Variants in CEP112 observed in about 807,000 individuals in gnomAD.
The protein encoded by CEP112 is centrosomal protein 112.
CEP112 carries 127 observed loss-of-function variants against 153.0 expected under a neutral mutation model. That is an observed-to-expected ratio of 0.83 (90% confidence interval 0.72 to 0.96). CEP112 has a LOEUF of 0.96. CEP112 is among the 40% of genes least tolerant of loss of function. The pLI, the probability that CEP112 is intolerant of heterozygous loss-of-function variation, is 0.00. For missense variants in CEP112, 1,089 were observed against 1,101.2 expected (o/e 0.99, Z 0.16); for synonymous variants, 358 against 374.4 (o/e 0.96, Z 0.51).
At chr17:66,145,690 C>T (rs958852894) in intron 4 of CEP112, among the ~76,000 whole-genome samples, 4 of 152,064 alleles carry the variant, frequency 2.6e-5, no homozygotes, top group East Asian at 3.9e-4. Flanking sequence ...TCCATCTATC[C>T]TTTCACCAAT....
intron 6 of CEP112, among the ~76,000 whole-genome samples, chr17:66,107,278 G>A (rs545977318): frequency 2.6e-5 from 4 of 151,908 alleles, no homozygotes; most frequent in Admixed American, 6.6e-5. Flanking sequence ...ACATAGTACC[G>A]AAAGTCCTAG....
At chr17:65,758,268 C>T (rs925170536) in intron 21 of CEP112, among the ~76,000 whole-genome samples, 7 of 152,068 alleles carry the variant, frequency 4.6e-5, no homozygotes, top group African/African-American at 7.3e-5. Flanking sequence ...TGGTTGTGCC[C>T]GTCCTCCTCC....
At chr17:66,093,161 T>G (rs1044183738) in intron 8 of CEP112, among the ~76,000 whole-genome samples, 1 of 152,080 alleles carries the variant, frequency 6.6e-6, no homozygotes, top group African/African-American at 2.4e-5. Context: ...TGGTGAAACC[T>G]TGTCTCTACC....
intron 20 of CEP112, among the ~76,000 whole-genome samples, chr17:65,894,924 T>C (rs1290915878): frequency 6.6e-6 from 1 of 152,148 alleles, no homozygotes; most frequent in Non-Finnish European, 1.5e-5. Context: ...TCATGGCTTG[T>C]GGTCTTGGAG....
At chr17:66,154,717 C>T (rs139456323) in intron 4 of CEP112, among the ~76,000 whole-genome samples, 5 of 149,732 alleles carry the variant, frequency 3.3e-5, no homozygotes, top group East Asian at 3.9e-4. Context: ...TTGTAACAGG[C>T]GAGGTAAGAA....
rs2071980035 is a variant in CEP112 at position 66,166,812 on chromosome 17, A to C, written c.470+8232T>G. 2.0e-5 allele frequency among the ~76,000 whole-genome samples: 3 copies of C among 151,506 alleles called. No individual in the cohort carries two copies. The South Asian group carries it at 6.3e-4, about 32-fold the overall frequency. On this transcript the variant is annotated intron_variant, in intron 4 of 26. Transcript: ENST00000535342. ...CCAGCTACTCAGGAGGCTGAGGCAG[A>C]AGAATCGCTTGAACCCGGGAGGCAG...
At chr17:66,043,725 T>C (rs2066081845) in intron 12 of CEP112, among the ~76,000 whole-genome samples, 1 of 152,216 alleles carries the variant, frequency 6.6e-6, no homozygotes, top group Non-Finnish European at 1.5e-5. Flanking sequence ...ATCTATTGTT[T>C]GCATATTTTC....
chr17:65,712,295 T>C (rs532576644), intron 23 of CEP112, among the ~76,000 whole-genome samples: 1 of 152,342 alleles, frequency 6.6e-6, no homozygotes, highest in Admixed American at 6.5e-5. Context: ...ATTATGATCA[T>C]TTCTTCTGTA....
intron 21 of CEP112, among the ~76,000 whole-genome samples, chr17:65,836,847 T>G: frequency 7.0e-6 from 1 of 143,646 alleles, no homozygotes; most frequent in East Asian, 2.3e-4. Context: ...CCCCCTCTGA[T>G]GCCCAGCCGA....
intron 22 of CEP112, among the ~76,000 whole-genome samples, chr17:65,746,196 A>G (rs552574103): frequency 6.6e-6 from 1 of 150,836 alleles, no homozygotes; most frequent in South Asian, 2.1e-4. Flanking sequence ...AAAGAAAAGA[A>G]AAGAAAAAAA....
intron 21 of CEP112, among the ~76,000 whole-genome samples, chr17:65,804,158 A>G (rs1316717744): frequency 6.6e-6 from 1 of 152,196 alleles, no homozygotes; most frequent in African/African-American, 2.4e-5. Flanking sequence ...TTTAATTTTT[A>G]AAAATGTGTT....
chr17:65,773,839 C>T (rs970091844), intron 21 of CEP112, among the ~76,000 whole-genome samples: 1 of 152,110 alleles, frequency 6.6e-6, no homozygotes, highest in Admixed American at 6.5e-5. Flanking sequence ...AATCCCAGTG[C>T]TTTGGGAGGA....
rs543383060 is a variant in CEP112 at position 66,176,032 on chromosome 17, T to C, written c.297+798A>G. 2.6e-3 allele frequency among the ~76,000 whole-genome samples: 401 copies of C among 152,318 alleles called. 2 individuals carry two copies. The highest frequency in any genetic ancestry group is 8.8e-3 in the African/African-American group (368 of 41,588). ...CACAGAAATTTCTTTTTAAATGACA[T>C]AGTCATTAAAACTTTTGGCATTGTG... On this transcript the variant is annotated intron_variant, in intron 3 of 26. Transcript: ENST00000535342.
chr17:65,821,496 TTATATATATATATATAATTATATA>T (rs1320558542), intron 21 of CEP112, among the ~76,000 whole-genome samples: 35 of 121,416 alleles, frequency 2.9e-4, no homozygotes, highest in Admixed American at 4.6e-4. Context: ...ATATATATAA[TTATATATATATATATAATTATATA>T]TATATATATA....
chr17:66,141,024 G>C (rs1255834677), intron 4 of CEP112, among the ~76,000 whole-genome samples: 4 of 151,980 alleles, frequency 2.6e-5, no homozygotes, highest in Non-Finnish European at 5.9e-5. Flanking sequence ...TGCTTCTCCA[G>C]TTTCTGTTTG....
intron 24 of CEP112, among the ~76,000 whole-genome samples, chr17:65,660,355 C>T (rs1287612815): frequency 1.6e-5 from 2 of 125,146 alleles, no homozygotes; most frequent in Non-Finnish European, 3.2e-5. Context: ...TCTCTCGTTC[C>T]TTCCTCCCTC....
chr17:65,694,484 A>C (rs2048266476), intron 23 of CEP112, among the ~76,000 whole-genome samples: 1 of 152,256 alleles, frequency 6.6e-6, no homozygotes, highest in Non-Finnish European at 1.5e-5. Flanking sequence ...AGGCCTTTAA[A>C]AATTTCCTTA....
rs1161190323 is a variant in CEP112 at position 66,029,866 on chromosome 17, T to C, written c.1373+3A>G. On this transcript the variant is annotated splice_donor_region_variant and intron_variant, in intron 13 of 26. Transcript: ENST00000535342. ...CTGATAAATATCTGATTTCAGACAA[T>C]ACCTTGCCTTTACTTCTTGTAATTC... The C allele has an allele frequency of 6.2e-7, 1 of 1,612,214 alleles. No individual in the cohort carries two copies. Among genetic ancestry groups the C allele is most frequent in the Admixed American group, 1.7e-5 (1 of 59,938 alleles).
chr17:65,781,902 C>A (rs1447727673), intron 21 of CEP112, among the ~76,000 whole-genome samples: 1 of 152,084 alleles, frequency 6.6e-6, no homozygotes, highest in Admixed American at 6.5e-5. Flanking sequence ...CTATAAGAAT[C>A]CTAGAAGAAA....
Sources: allele counts gnomAD v4.1 joint callset (sites outside exome capture counted in the v4.1 genomes callset), GRCh38; gene constraint gnomAD v4.1.1; transcripts MANE v1.5; gene names NCBI Gene and HGNC (gene_info 2026-07-23, HGNC 2026-07-21).